Variants in GPR89A observed in about 807,000 individuals in gnomAD.
GPR89A encodes golgi pH regulator A.
In GPR89A, 16 loss-of-function variants were observed where a neutral mutation model predicts 52.0. The observed-to-expected ratio is 0.31, with a 90% CI of 0.21 to 0.47. The LOEUF (loss-of-function observed/expected upper bound fraction) is 0.47. Among genes scored for constraint, GPR89A ranks in the 20% least tolerant of loss-of-function variants. The pLI is 1.00. For synonymous variants in GPR89A, 55 were observed against 150.9 expected (o/e 0.36, Z 4.66); for missense variants, 135 against 449.4 (o/e 0.30, Z 6.33).
At chr1:145,629,108 T>C (rs1649719120) in intron 5 of GPR89A, among the ~76,000 whole-genome samples, 1 of 152,126 alleles carries the variant, frequency 6.6e-6, no homozygotes, top group Non-Finnish European at 1.5e-5. Flanking sequence ...CTTACCCCCC[T>C]GGCAGAAAAC....
chr1:145,656,396 T>C (rs1479602853), intron 10 of GPR89A, among the ~76,000 whole-genome samples: 1 of 152,048 alleles, frequency 6.6e-6, no homozygotes, highest in East Asian at 1.9e-4. Flanking sequence ...CTTCCTTGAT[T>C]GGGGGTGGGA....
At chr1:145,614,846 C>T (rs587632230) in intron 1 of GPR89A, among the ~76,000 whole-genome samples, 6 of 151,832 alleles carry the variant, frequency 4.0e-5, no homozygotes, top group African/African-American at 1.2e-4. Context: ...ACACAGGTCT[C>T]GATGTGAAAG....
At chr1:145,645,988 A>T in intron 8 of GPR89A, 196 bp from the exon 9 acceptor site, 1 of 667,272 alleles carries the variant, frequency 1.5e-6, no homozygotes, top group East Asian at 2.6e-5. Flanking sequence ...GATGCTCTTG[A>T]TGGAGAAGCT....
At chr1:145,661,496 C>T (rs1652201145) in intron 10 of GPR89A, among the ~76,000 whole-genome samples, 1 of 144,408 alleles carries the variant, frequency 6.9e-6, no homozygotes, top group Middle Eastern at 3.5e-3. Flanking sequence ...TTATAGCCAT[C>T]CTCATGGGTG....
Position 145,608,133 on chromosome 1 carries a change from C to T in GPR89A, c.-1C>T. 5.0e-6 allele frequency: 8 copies of T among 1,613,592 alleles called. No homozygotes were observed. The highest frequency in any genetic ancestry group is 6.8e-6 in the Non-Finnish European group (8 of 1,179,848). On this transcript the variant is annotated 5_prime_UTR_variant, in exon 1 of 14. Coordinates refer to ENST00000313835, the MANE Select transcript of GPR89A (RefSeq NM_001097612.2). ...GGCAGGAGCCTTCCTTACACTTCGC[C>T]ATGAGTTTCCTCATCGACTCCAGCA...
intron 10 of GPR89A, among the ~76,000 whole-genome samples, chr1:145,659,704 C>T (rs1472842513): frequency 2.3e-5 from 3 of 131,836 alleles, no homozygotes; most frequent in Non-Finnish European, 3.2e-5. Context: ...AGTCAGGTAG[C>T]GTGATGCCTC....
chr1:145,618,960 TGTTA>T (rs1183546397), intron 3 of GPR89A, among the ~76,000 whole-genome samples: 17 of 152,048 alleles, frequency 1.1e-4, no homozygotes, highest in African/African-American at 3.6e-4. Flanking sequence ...ATAATAGACT[TGTTA>T]GTTTATTAGA....
At chr1:145,668,033 T>A (rs1652696133) in intron 12 of GPR89A, among the ~76,000 whole-genome samples, 1 of 152,324 alleles carries the variant, frequency 6.6e-6, no homozygotes, top group African/African-American at 2.4e-5. Flanking sequence ...TCTTTTGGCT[T>A]AGGATTGACT....
chr1:145,609,973 C>T (rs1399590900), intron 1 of GPR89A, among the ~76,000 whole-genome samples: 17 of 152,186 alleles, frequency 1.1e-4, no homozygotes, highest in Admixed American at 8.5e-4. Flanking sequence ...CTGCCTTCTT[C>T]CTCATTTCCA....
chr1:145,644,767 G>GGA (rs1459346523), intron 8 of GPR89A: 1 of 152,110 alleles, frequency 6.6e-6, no homozygotes, highest in Non-Finnish European at 1.5e-5. Context: ...AAAGGATAAA[G>GGA]GAGATTTGAT....
intron 2 of GPR89A, among the ~76,000 whole-genome samples, chr1:145,617,506 CATA>C (rs1289947143): frequency 6.6e-6 from 1 of 151,768 alleles, no homozygotes; most frequent in Non-Finnish European, 1.5e-5. Context: ...GTAAGACAGT[CATA>C]AGAAATTTAA....
chr1:145,668,101 T>C (rs1186545329), intron 12 of GPR89A, among the ~76,000 whole-genome samples: 1 of 152,212 alleles, frequency 6.6e-6, no homozygotes, highest in Non-Finnish European at 1.5e-5. Context: ...TTTCCAATTC[T>C]GTGAAGAAAG....
intron 5 of GPR89A, among the ~76,000 whole-genome samples, chr1:145,626,112 C>T (rs1649480100): frequency 6.6e-6 from 1 of 150,636 alleles, no homozygotes; most frequent in Non-Finnish European, 1.5e-5. Context: ...ACTAAAGAGT[C>T]CTGGTAGTAT....
intron 1 of GPR89A, among the ~76,000 whole-genome samples, chr1:145,612,503 A>T (rs1187323897): frequency 6.6e-6 from 1 of 152,206 alleles, no homozygotes; most frequent in Non-Finnish European, 1.5e-5. Flanking sequence ...GAGTCAAACA[A>T]GCTTGAGTTC....
At chr1:145,609,494 A>G (rs1423301585) in intron 1 of GPR89A, among the ~76,000 whole-genome samples, 2 of 152,240 alleles carry the variant, frequency 1.3e-5, no homozygotes, top group African/African-American at 2.4e-5. Flanking sequence ...CTAGACATGT[A>G]ACTCTTCTGC....
At chr1:145,654,261 T>C in intron 10 of GPR89A, among the ~76,000 whole-genome samples, 1 of 152,264 alleles carries the variant, frequency 6.6e-6, no homozygotes, top group East Asian at 1.9e-4. Flanking sequence ...TTCTTTTCTT[T>C]AAGAATGTTG....
At chr1:145,665,418 T>C in intron 11 of GPR89A, 144 bp from the exon 12 acceptor site, 1 of 910,750 alleles carries the variant, frequency 1.1e-6, no homozygotes, top group Non-Finnish European at 1.8e-6. Flanking sequence ...ACCTACTTGC[T>C]TTCCTCTCTC....
chr1:145,665,539 A>AT (rs781975129), intron 11 of GPR89A, 23 bp from the exon 12 acceptor site: 16 of 1,235,336 alleles, frequency 1.3e-5, no homozygotes, highest in East Asian at 7.0e-5. Flanking sequence ...TTTAGCAGAT[A>AT]TTTTTTCTTG....
chr1:145,656,370 C>T (rs1465654940), intron 10 of GPR89A, among the ~76,000 whole-genome samples: 1 of 151,978 alleles, frequency 6.6e-6, no homozygotes, highest in African/African-American at 2.4e-5. Context: ...GGCAGGGTGC[C>T]ACAATCACTC....
Sources: allele counts gnomAD v4.1 joint callset (sites outside exome capture counted in the v4.1 genomes callset), GRCh38; gene constraint gnomAD v4.1.1; transcripts MANE v1.5; gene names NCBI Gene and HGNC (gene_info 2026-07-23, HGNC 2026-07-21).